The following RBFOX1 variants were observed in gnomAD, a reference collection of about 807,000 sequenced individuals.
The protein encoded by RBFOX1 is RNA binding protein fox-1 homolog 1.
Under a neutral mutation model 57.7 loss-of-function variants are expected in RBFOX1, and 8 were observed. The observed-to-expected ratio is 0.14, with a 90% confidence interval of 0.08 to 0.25. RBFOX1 has a LOEUF of 0.25. RBFOX1 is among the 10% of genes least tolerant of loss of function. The probability of loss-of-function intolerance (pLI) is 1.00; values close to 1 mark genes in which losing one functional copy is unlikely to be tolerated. For missense variants in RBFOX1, 611 were observed against 548.5 expected (o/e 1.11, Z -1.14); for synonymous variants, 326 against 222.4 (o/e 1.47, Z -4.15).
intron 3 of RBFOX1, among the ~76,000 whole-genome samples, chr16:5,858,447 C>G (rs945199492): frequency 1.3e-5 from 2 of 152,276 alleles, no homozygotes; most frequent in Non-Finnish European, 2.9e-5. Context: ...CAAGGGCAAA[C>G]CAAGGACAGA....
intron 4 of RBFOX1, among the ~76,000 whole-genome samples, chr16:7,417,015 C>G (rs1218529956): frequency 1.3e-5 from 2 of 152,034 alleles, no homozygotes; most frequent in East Asian, 1.9e-4. Context: ...TAAACTTACA[C>G]TTTGCCTAAA....
At chr16:6,418,437 G>T (rs1448393488) in intron 2 of RBFOX1, among the ~76,000 whole-genome samples, 2 of 152,018 alleles carry the variant, frequency 1.3e-5, no homozygotes, top group African/African-American at 4.8e-5. Flanking sequence ...GTGAGAAATG[G>T]GGGTGCATTA....
chr16:7,295,244 C>A (rs1360584412), intron 4 of RBFOX1, among the ~76,000 whole-genome samples: 2 of 152,096 alleles, frequency 1.3e-5, no homozygotes, highest in Non-Finnish European at 2.9e-5. Flanking sequence ...GATGTCTATA[C>A]ATTTTTGTAT....
At chr16:6,685,351 C>G (rs1302281480) in intron 3 of RBFOX1, among the ~76,000 whole-genome samples, 1 of 147,654 alleles carries the variant, frequency 6.8e-6, no homozygotes, top group Non-Finnish European at 1.5e-5. Context: ...TCTCGGCTCA[C>G]TGCAACCTCC....
chr16:6,836,559 C>A (rs754520984), intron 3 of RBFOX1, among the ~76,000 whole-genome samples: 1 of 152,114 alleles, frequency 6.6e-6, no homozygotes, highest in South Asian at 2.1e-4. Context: ...AAATGGGAAC[C>A]TTTTGTGCCT....
intron 1 of RBFOX1, among the ~76,000 whole-genome samples, chr16:5,305,203 G>T (rs932500095): frequency 6.6e-6 from 1 of 152,174 alleles, no homozygotes; most frequent in Non-Finnish European, 1.5e-5. Context: ...TTCAGAATCA[G>T]TGAGGGACCG....
In RBFOX1 at chr16:5,941,138, T is replaced by G. The variant is rs555454534; in HGVS notation, c.351+73803T>G. On this transcript the variant is annotated intron_variant, in intron 4 of 19. Transcript: ENST00000641259. Reference sequence around the variant, plus strand: ...TAATAGCTTAAATTAACAAAAAGCGTTCAAATAAGACTTTCTTGGTGGTGT... The same window carrying G: ...TAATAGCTTAAATTAACAAAAAGCGGTCAAATAAGACTTTCTTGGTGGTGT... 4.1e-3 allele frequency among the ~76,000 whole-genome samples: 623 copies of G among 152,182 alleles called. 4 individuals carry two copies. The highest frequency in any genetic ancestry group is 6.5e-3 in the Non-Finnish European group (441 of 67,998).
chr16:7,405,441 G>C (rs1345714501), intron 4 of RBFOX1, among the ~76,000 whole-genome samples: 9 of 152,150 alleles, frequency 5.9e-5, no homozygotes, highest in Admixed American at 5.2e-4. Flanking sequence ...GCTGAGCTCC[G>C]GGCGAAGTGT....
intron 3 of RBFOX1, among the ~76,000 whole-genome samples, chr16:7,012,080 G>A (rs1012082782): frequency 2.6e-5 from 4 of 152,068 alleles, no homozygotes; most frequent in African/African-American, 7.2e-5. Context: ...TAGGTCAGAC[G>A]TATGGAGTCA....
chr16:7,323,716 T>C (rs777000597), intron 4 of RBFOX1, among the ~76,000 whole-genome samples: 18 of 152,196 alleles, frequency 1.2e-4, no homozygotes, highest in Non-Finnish European at 1.6e-4. Flanking sequence ...ACAGATACAA[T>C]GAAATGAGTA....
chr16:7,384,435 T>C (rs913952729), intron 4 of RBFOX1, among the ~76,000 whole-genome samples: 4 of 152,192 alleles, frequency 2.6e-5, no homozygotes, highest in African/African-American at 9.6e-5. Context: ...TTCTTGAATT[T>C]AGGCTTGGAG....
intron 3 of RBFOX1, among the ~76,000 whole-genome samples, chr16:6,975,337 C>G (rs2086590668): frequency 6.6e-6 from 1 of 152,094 alleles, no homozygotes; most frequent in African/African-American, 2.4e-5. Flanking sequence ...ACAATATCAG[C>G]TCACTGCAAT....
intron 4 of RBFOX1, among the ~76,000 whole-genome samples, chr16:7,435,125 G>T (rs2098711837): frequency 6.6e-6 from 1 of 151,942 alleles, no homozygotes; most frequent in South Asian, 2.1e-4. Flanking sequence ...GATTTCCTTA[G>T]TTTTTACCTC....
intron 4 of RBFOX1, among the ~76,000 whole-genome samples, chr16:7,178,335 A>G (rs2082065514): frequency 6.6e-6 from 1 of 152,220 alleles, no homozygotes; most frequent in African/African-American, 2.4e-5. Context: ...AAGGTCTTCC[A>G]ATGGTAATTA....
chr16:7,332,088 T>G (rs1417565709), intron 4 of RBFOX1, among the ~76,000 whole-genome samples: 5 of 152,138 alleles, frequency 3.3e-5, no homozygotes, highest in Admixed American at 6.5e-5. Flanking sequence ...ATAAAAGGCA[T>G]AGAAAATGTT....
At chr16:7,262,926 C>A (rs1048459736) in intron 4 of RBFOX1, among the ~76,000 whole-genome samples, 1 of 152,184 alleles carries the variant, frequency 6.6e-6, no homozygotes, top group African/African-American at 2.4e-5. Flanking sequence ...GCCTGCAGTT[C>A]ATTGCCACTG....
chr16:7,030,589 C>G (rs8043616), intron 3 of RBFOX1, among the ~76,000 whole-genome samples: 22,173 of 152,110 alleles, frequency 0.15, 3,048 homozygotes, highest in African/African-American at 0.34. Context: ...TCTGTGTGTT[C>G]TTTGCTATTT....
chr16:5,649,354 C>A (rs1473471837), intron 3 of RBFOX1, among the ~76,000 whole-genome samples: 5 of 151,982 alleles, frequency 3.3e-5, no homozygotes, highest in African/African-American at 1.2e-4. Flanking sequence ...ATTTTTAGTA[C>A]AGACGGGGTT....
At chr16:7,001,310 G>C (rs1231953781) in intron 3 of RBFOX1, among the ~76,000 whole-genome samples, 4 of 151,848 alleles carry the variant, frequency 2.6e-5, no homozygotes, top group Non-Finnish European at 5.9e-5. Flanking sequence ...GGTGTTCCTG[G>C]TCAACTTATG....
Sources: allele counts gnomAD v4.1 joint callset (sites outside exome capture counted in the v4.1 genomes callset), GRCh38; gene constraint gnomAD v4.1.1; transcripts MANE v1.5; gene names NCBI Gene and HGNC (gene_info 2026-07-23, HGNC 2026-07-21).